The following ABL2 variants were observed in gnomAD, a reference collection of about 807,000 sequenced individuals.
The protein encoded by ABL2 is ABL proto-oncogene 2, non-receptor tyrosine kinase.
Under a neutral mutation model 107.7 loss-of-function variants are expected in ABL2, and 49 were observed. That is an observed-to-expected ratio of 0.45 (90% CI 0.36 to 0.58). The LOEUF is 0.58. ABL2 is among the 20% of genes least tolerant of loss of function. The pLI, the probability that ABL2 is intolerant of heterozygous loss-of-function variation, is 0.00. For missense variants in ABL2, 1,245 were observed against 1,457.0 expected (o/e 0.85, Z 2.37); for synonymous variants, 549 against 548.6 (o/e 1.00, Z -0.01).
Position 179,126,969 on chromosome 1 carries a change from C to T in ABL2, c.392-297G>A, listed in dbSNP as rs1655779946. The stretch of plus-strand genomic sequence containing the variant: ...ATATCCTTAAGAAATTCTATGTATG[C>T]CAGACAGGTTACTAAAATGGCTGGA... On this transcript the variant is annotated intron_variant, in intron 3 of 11. Coordinates refer to ENST00000502732, the MANE Select transcript of ABL2 (RefSeq NM_007314.4). The surrounding 1 kb of genome is among the most constrained non-coding windows in gnomAD (Gnocchi z 4.4). 6.6e-6 allele frequency among the ~76,000 whole-genome samples: 1 copy of T among 152,004 alleles called. No homozygotes were observed.
intron 1 of ABL2, among the ~76,000 whole-genome samples, chr1:179,206,655 T>G (rs1450625091): frequency 6.6e-6 from 1 of 152,134 alleles, no homozygotes; most frequent in Non-Finnish European, 1.5e-5. Context: ...TGAAAGTATA[T>G]ACAACGAACT....
chr1:179,184,620 A>G (rs1660578508), intron 1 of ABL2: 8 of 528,224 alleles, frequency 1.5e-5, no homozygotes, highest in Non-Finnish European at 2.8e-5. Context: ...ATATTGATGA[A>G]GAAGGGGATG....
intron 1 of ABL2, among the ~76,000 whole-genome samples, chr1:179,206,501 TA>T (rs71685132): frequency 0.17 from 22,402 of 128,450 alleles, 1,806 homozygotes; most frequent in African/African-American, 0.25. Flanking sequence ...TGCATCCATT[TA>T]AAAAAAAAAA....
intron 1 of ABL2, among the ~76,000 whole-genome samples, chr1:179,216,257 G>A (rs1205604962): frequency 1.3e-5 from 2 of 152,116 alleles, no homozygotes; most frequent in African/African-American, 4.8e-5. Flanking sequence ...TTTAAACGTT[G>A]GATAGTAATA....
At chr1:179,221,113 G>T (rs1662841826) in intron 1 of ABL2, 1 of 243,610 alleles carries the variant, frequency 4.1e-6, no homozygotes, top group South Asian at 7.2e-5. Context: ...GTGAAAGCCA[G>T]ACAGGCCATT....
At chr1:179,183,049 CTG>C (rs1660471168) in intron 1 of ABL2, among the ~76,000 whole-genome samples, 1 of 152,074 alleles carries the variant, frequency 6.6e-6, no homozygotes, top group Admixed American at 6.6e-5. Context: ...GTGTCTCACT[CTG>C]TCACCCAGGC....
chr1:179,112,928 T>C (rs1305292459), intron 9 of ABL2, among the ~76,000 whole-genome samples: 1 of 152,136 alleles, frequency 6.6e-6, no homozygotes, highest in African/African-American at 2.4e-5. Flanking sequence ...CTAATTTTTG[T>C]ATTTTTAGTA....
chr1:179,161,828 G>C (rs1659087802), intron 1 of ABL2, among the ~76,000 whole-genome samples: 1 of 152,150 alleles, frequency 6.6e-6, no homozygotes, highest in South Asian at 2.1e-4. Context: ...AACAGTGCTG[G>C]GAGATGGGGC....
In ABL2 at chr1:179,101,220, T is replaced by C. The variant is rs1286553074; in HGVS notation, c.*6498A>G. Reference sequence around the variant, plus strand: ...ATCTCCAAGGGTGGCCTCTCAGCAGTTTCTGCCATTCCAAGTCAGCTTTGA... The same window carrying C: ...ATCTCCAAGGGTGGCCTCTCAGCAGCTTCTGCCATTCCAAGTCAGCTTTGA... On this transcript the variant is annotated 3_prime_UTR_variant, in exon 12 of 12. Coordinates refer to ENST00000502732, the MANE Select transcript of ABL2 (RefSeq NM_007314.4). The C allele has an allele frequency of 4.5e-6, 1 of 224,638 alleles. No homozygotes were observed. The highest frequency in any genetic ancestry group is 2.2e-5 in the African/African-American group (1 of 44,794). The allele number at this position is 224,638 out of a possible 1,614,324, so 13.9% of individuals were successfully genotyped here.
Position 179,107,835 on chromosome 1 carries a change from T to C in ABL2, c.3432A>G (p.Glu1144=), listed in dbSNP as rs148342392. The change falls in exon 12 of 12, where the codon GAA becomes GAG. Residue 1144 remains glutamate, a synonymous_variant. Transcript: ENST00000502732. The part of the protein sequence containing the change: ...FAFREAVSKL[E]LSLQELQVSS... ...AAACCTGTAGCTCCTGCAGGCTGAG[T>C]TCCAGTTTGCTCACAGCCTCTCGGA... 29 of 1,614,036 alleles carry C rather than the reference T, an allele frequency of 1.8e-5. 1 individual carries two copies. The highest frequency in any genetic ancestry group is 2.0e-5 in the Non-Finnish European group (24 of 1,180,034).
chr1:179,151,486 T>TA (rs1462736564), intron 1 of ABL2, among the ~76,000 whole-genome samples: 1 of 152,240 alleles, frequency 6.6e-6, no homozygotes, highest in Non-Finnish European at 1.5e-5. Flanking sequence ...ATCCTGTTTT[T>TA]ATGTCTTTTT....
At chr1:179,182,450 T>C (rs919601646) in intron 1 of ABL2, among the ~76,000 whole-genome samples, 1 of 151,992 alleles carries the variant, frequency 6.6e-6, no homozygotes, top group African/African-American at 2.4e-5. Context: ...AAACTCCTAA[T>C]AGCTTCCTTT....
intron 1 of ABL2, among the ~76,000 whole-genome samples, chr1:179,210,606 G>C (rs1029173355): frequency 6.6e-6 from 1 of 150,780 alleles, no homozygotes; most frequent in African/African-American, 2.4e-5. Flanking sequence ...TATAATCCCA[G>C]CACTTTGAGG....
At chr1:179,112,754 T>TA (rs1654213984) in intron 9 of ABL2, among the ~76,000 whole-genome samples, 1 of 150,650 alleles carries the variant, frequency 6.6e-6, no homozygotes, top group East Asian at 1.9e-4. Context: ...CACGCCCAGC[T>TA]AATTTTTTTT....
Position 179,117,462 on chromosome 1 carries a change from A to T in ABL2, c.1278T>A (p.Ala426=). 6.2e-7 allele frequency: 1 copy of T among 1,614,178 alleles called. No individual in the cohort carries two copies. Among genetic ancestry groups the T allele is most frequent in the African/African-American group, 1.3e-5 (1 of 75,064 alleles). ...TCATCAATCTACTTAAGCCAAAGTC[A>T]GCCACTTTTACCACATGGTTTTCTC... ...LVGENHVVKV[A]DFGLSRLMTG... is the part of the protein sequence containing the mutation. The change falls in exon 8 of 12, where the codon GCT becomes GCA. Residue 426 remains alanine (A), a synonymous_variant. Transcript: ENST00000502732.
At chr1:179,184,169 G>T in intron 1 of ABL2, 1 of 426,724 alleles carries the variant, frequency 2.3e-6, no homozygotes, top group East Asian at 5.6e-5. Context: ...TTAGGGAGGA[G>T]GACAAAGACG....
intron 1 of ABL2, chr1:179,143,074 T>G: frequency 6.2e-7 from 1 of 1,610,702 alleles, no homozygotes; most frequent in Non-Finnish European, 8.5e-7. Flanking sequence ...AAAGTTAAAC[T>G]GTTCTGTGTA....
At chr1:179,112,278 G>C (rs1293577431) in intron 10 of ABL2, 31 bp downstream of exon 10, 2 of 1,580,874 alleles carry the variant, frequency 1.3e-6, no homozygotes, top group Admixed American at 1.7e-5. Context: ...CCCAGAATTA[G>C]TCACCAACAG....
At chr1:179,219,106 G>A (rs1378974189) in intron 1 of ABL2, among the ~76,000 whole-genome samples, 1 of 152,176 alleles carries the variant, frequency 6.6e-6, no homozygotes, top group African/African-American at 2.4e-5. Flanking sequence ...GCAGCGACGT[G>A]ATTATGGCTC....
Sources: allele counts gnomAD v4.1 joint callset (sites outside exome capture counted in the v4.1 genomes callset), GRCh38; gene constraint gnomAD v4.1.1; non-coding constraint Gnocchi (gnomAD v3.1); transcripts MANE v1.5; gene names NCBI Gene and HGNC (gene_info 2026-07-23, HGNC 2026-07-21).